The following INPP5A variants were observed in gnomAD, a reference collection of about 807,000 sequenced individuals.
INPP5A encodes 43 kDa inositol polyphosphate 5-phophatase.
In INPP5A, 14 loss-of-function variants were observed where a neutral mutation model predicts 65.2. The observed-to-expected ratio is 0.21, with a 90% CI of 0.14 to 0.34. The LOEUF is 0.34. Ranked by LOEUF, INPP5A falls within the 10% of genes least tolerant of loss-of-function variation. The pLI is 1.00. For synonymous variants in INPP5A, 207 were observed against 208.3 expected (o/e 0.99, Z 0.05); for missense variants, 431 against 545.6 (o/e 0.79, Z 2.09).
intron 4 of INPP5A, among the ~76,000 whole-genome samples, chr10:132,688,745 T>C (rs1318205543): frequency 6.6e-6 from 1 of 151,334 alleles, no homozygotes; most frequent in African/African-American, 2.4e-5. Flanking sequence ...TGTGCAAGTG[T>C]GTGAGCAAGT....
intron 8 of INPP5A, among the ~76,000 whole-genome samples, chr10:132,724,877 G>T (rs1481207929): frequency 6.6e-6 from 1 of 151,142 alleles, no homozygotes; most frequent in Non-Finnish European, 1.5e-5. Context: ...AGAACTCACG[G>T]GGAGGCCCCA....
rs1590889862 is a variant in INPP5A at position 132,644,345 on chromosome 10, G to A, written c.118-1523G>A. Reference sequence around the variant, plus strand: ...TGCAGCACAGACGGAGCCTGTGCACGGGGCCTGGTCAGAGCTGTTTCTGTC... The same window carrying A: ...TGCAGCACAGACGGAGCCTGTGCACAGGGCCTGGTCAGAGCTGTTTCTGTC... On this transcript the variant is annotated intron_variant, in intron 2 of 15. Coordinates refer to ENST00000368594, the MANE Select transcript of INPP5A (RefSeq NM_005539.5). This position sits in a 1 kb window ranked among gnomAD's most constrained non-coding sequence, Gnocchi z 6.5. Among the ~76,000 whole-genome samples, 1 of 152,308 alleles carries A rather than the reference G, an allele frequency of 6.6e-6. No individual in the cohort carries two copies. Among genetic ancestry groups the A allele is most frequent in the Non-Finnish European group, 1.5e-5 (1 of 68,028 alleles).
intron 1 of INPP5A, among the ~76,000 whole-genome samples, chr10:132,605,638 A>G (rs891193102): frequency 6.6e-5 from 10 of 152,058 alleles, no homozygotes; most frequent in African/African-American, 1.7e-4. Flanking sequence ...AGCTGGGGTC[A>G]GCCAGGCAGA....
At chr10:132,715,328 TC>T (rs1327258803) in intron 8 of INPP5A, among the ~76,000 whole-genome samples, 1 of 152,146 alleles carries the variant, frequency 6.6e-6, no homozygotes, top group African/African-American at 2.4e-5. Flanking sequence ...CACCCCTTTG[TC>T]CCCCCATTAT....
chr10:132,691,315 A>G (rs1033005771), intron 5 of INPP5A, among the ~76,000 whole-genome samples: 1 of 152,162 alleles, frequency 6.6e-6, no homozygotes, highest in African/African-American at 2.4e-5. Flanking sequence ...ATAGCATCCA[A>G]GCCCTTCTAT....
chr10:132,758,199 G>A (rs1846664882), intron 11 of INPP5A, among the ~76,000 whole-genome samples: 1 of 105,168 alleles, frequency 9.5e-6, no homozygotes, highest in South Asian at 3.6e-4. Flanking sequence ...GTGGGTCCCC[G>A]GCCGACCCCA....
intron 2 of INPP5A, among the ~76,000 whole-genome samples, chr10:132,626,064 C>T (rs550002424): frequency 3.3e-5 from 5 of 152,350 alleles, no homozygotes; most frequent in Admixed American, 2.6e-4. Context: ...ACCACAGATC[C>T]GTTTTTCCCA....
chr10:132,776,374 A>G (rs964421678), intron 12 of INPP5A, among the ~76,000 whole-genome samples: 1 of 151,132 alleles, frequency 6.6e-6, no homozygotes, highest in Non-Finnish European at 1.5e-5. Context: ...GGCTGTTTCC[A>G]GGTGGTTGGG....
intron 1 of INPP5A, among the ~76,000 whole-genome samples, chr10:132,562,980 G>T (rs2071224855): frequency 6.6e-6 from 1 of 152,226 alleles, no homozygotes; most frequent in African/African-American, 2.4e-5. Flanking sequence ...CTCTGCAGAG[G>T]GCTTCAGGGA....
At chr10:132,754,893 G>A (rs1456217644) in intron 11 of INPP5A, among the ~76,000 whole-genome samples, 1 of 152,248 alleles carries the variant, frequency 6.6e-6, no homozygotes. Flanking sequence ...GTGTGAGCAG[G>A]CATATGCATG....
At position 132,762,087 on chromosome 10, in the gene INPP5A, T is replaced by TG. The variant is rs529322449; in HGVS notation, c.904-3684dup. Among the ~76,000 whole-genome samples the TG allele has an allele frequency of 1.1e-3, 173 of 152,098 alleles. 1 individual carries two copies. The highest frequency in any genetic ancestry group is 4.0e-3 in the African/African-American group (167 of 41,494). ...GGAATGGGATGGCAGGCCTGGGGAATGGCCCAGAATGCAGCACAGAAACGT... is the reference window on the plus strand; with the variant it reads ...GGAATGGGATGGCAGGCCTGGGGAATGGGCCCAGAATGCAGCACAGAAACGT... On this transcript the variant is annotated intron_variant, in intron 11 of 15. Transcript: ENST00000368594. This position sits in a 1 kb window ranked among gnomAD's most constrained non-coding sequence, Gnocchi z 4.6.
chr10:132,621,669 G>A (rs1275822794), intron 2 of INPP5A, among the ~76,000 whole-genome samples: 2 of 152,282 alleles, frequency 1.3e-5, no homozygotes, highest in East Asian at 3.9e-4. Flanking sequence ...GTAGGGCAGA[G>A]GAAGCCATCA....
Position 132,650,485 on chromosome 10 carries a change from A to C in INPP5A, c.286A>C (p.Lys96Gln), listed in dbSNP as rs2072559867. The stretch of plus-strand genomic sequence containing the variant: ...TCGAGTCTACCTGGATGAAAACTAC[A>C]AATCCCAGGAGCACTTCACGGTGAG... ...RARVYLDENY[K>Q]SQEHFTALGS... The change falls in exon 4 of 16, where the codon AAA becomes CAA. Residue 96 changes from lysine (K) to glutamine (Q), a missense_variant. Coordinates refer to ENST00000368594, the MANE Select transcript of INPP5A (RefSeq NM_005539.5). The surrounding 1 kb of genome is among the most constrained non-coding windows in gnomAD (Gnocchi z 5.5). 6.2e-6 allele frequency: 10 copies of C among 1,613,382 alleles called. No homozygotes were observed. Among genetic ancestry groups the C allele is most frequent in the Non-Finnish European group, 8.5e-6 (10 of 1,179,488 alleles).
chr10:132,672,899 CGTG>C (rs1264326468), intron 4 of INPP5A, among the ~76,000 whole-genome samples: 1 of 152,154 alleles, frequency 6.6e-6, no homozygotes, highest in Non-Finnish European at 1.5e-5. Flanking sequence ...CTCAGCGGGT[CGTG>C]GTTTTTTTCC....
chr10:132,720,917 C>A (rs1284966214), intron 8 of INPP5A, among the ~76,000 whole-genome samples: 8 of 99,824 alleles, frequency 8.0e-5, no homozygotes, highest in South Asian at 7.3e-4. Context: ...GGCTGTCTTG[C>A]GGGTTCTGTG....
intron 12 of INPP5A, among the ~76,000 whole-genome samples, chr10:132,771,315 A>C (rs1386008672): frequency 5.9e-5 from 9 of 152,168 alleles, no homozygotes. Context: ...TTCCCTCGTA[A>C]GTGAAGGTAG....
rs1349404206 is a variant in INPP5A at position 132,704,897 on chromosome 10, A to G, written c.475-3416A>G. Reference sequence around the variant, plus strand: ...AGGCAGCTCCTCTGGAGTGTGGAGGATGGAGGAAGGGCGTCTGGACAGGCG... The same window carrying G: ...AGGCAGCTCCTCTGGAGTGTGGAGGGTGGAGGAAGGGCGTCTGGACAGGCG... On this transcript the variant is annotated intron_variant, in intron 6 of 15. Transcript: ENST00000368594. The surrounding 1 kb of genome is among the most constrained non-coding windows in gnomAD (Gnocchi z 4.5). Among the ~76,000 whole-genome samples, 10 of 139,192 alleles carry G rather than the reference A, an allele frequency of 7.2e-5. No individual in the cohort carries two copies. In the East Asian group the frequency reaches 2.1e-3, roughly 30 times the overall value. The allele number at this position is 139,192 out of a possible 152,430, so 91.3% of individuals were successfully genotyped here. A position where few individuals can be genotyped will look rare whatever the true frequency, so the allele number is the denominator to read the frequency against.
Position 132,659,081 on chromosome 10 carries a change from G to A in INPP5A, c.306+8576G>A, listed in dbSNP as rs566186972. 1.3e-5 allele frequency among the ~76,000 whole-genome samples: 2 copies of A among 152,202 alleles called. No individual in the cohort carries two copies. The highest frequency in any genetic ancestry group is 2.9e-5 in the Non-Finnish European group (2 of 68,032). ...GCCCTGGGGATGAGCAGCCCAGGAG[G>A]CGAAGATGCCTAGGTGGGTCCCCAG... On this transcript the variant is annotated intron_variant, in intron 4 of 15. Coordinates refer to ENST00000368594, the MANE Select transcript of INPP5A (RefSeq NM_005539.5). This position sits in a 1 kb window ranked among gnomAD's most constrained non-coding sequence, Gnocchi z 5.5.
intron 9 of INPP5A, among the ~76,000 whole-genome samples, chr10:132,747,239 G>C (rs1846386348): frequency 6.6e-6 from 1 of 152,238 alleles, no homozygotes; most frequent in South Asian, 2.1e-4. Flanking sequence ...GGTGGGCAGG[G>C]TGGCCCCGCT....
Sources: gnomAD v4.1 joint callset for allele counts (sites outside exome capture counted in the v4.1 genomes callset) on GRCh38, gnomAD v4.1.1 for gene constraint, Gnocchi (gnomAD v3.1) non-coding constraint, MANE v1.5 for transcripts, NCBI Gene and HGNC (gene_info 2026-07-23, HGNC 2026-07-21) for gene names.